Variants in PARD3 observed in about 807,000 individuals in gnomAD.
PARD3 encodes partitioning defective 3 homolog.
In PARD3, 75 loss-of-function variants were observed where a neutral mutation model predicts 155.4. That is an observed-to-expected ratio of 0.48 (90% CI 0.40 to 0.58). PARD3 has a LOEUF of 0.58. PARD3 is among the 20% of genes least tolerant of loss of function. The probability of loss-of-function intolerance (pLI) is 0.00; values close to 1 mark genes in which losing one functional copy is unlikely to be tolerated. For missense variants in PARD3, 1,642 were observed against 1,721.7 expected (o/e 0.95, Z 0.82); for synonymous variants, 576 against 610.5 (o/e 0.94, Z 0.83).
chr10:34,276,035 T>G (rs760954262), intron 21 of PARD3, among the ~76,000 whole-genome samples: 2 of 152,166 alleles, frequency 1.3e-5, no homozygotes, highest in Non-Finnish European at 2.9e-5. Context: ...AAGTCCTTCC[T>G]GGTTCTAAAA....
intron 2 of PARD3, among the ~76,000 whole-genome samples, chr10:34,603,174 A>G (rs571302543): frequency 6.6e-6 from 1 of 152,176 alleles, no homozygotes; most frequent in African/African-American, 2.4e-5. Flanking sequence ...TTAGAAAATT[A>G]CCCCTGGCTG....
At chr10:34,562,667 A>G (rs1310878385) in intron 2 of PARD3, among the ~76,000 whole-genome samples, 1 of 152,192 alleles carries the variant, frequency 6.6e-6, no homozygotes, top group Non-Finnish European at 1.5e-5. Flanking sequence ...AGCAAAACAT[A>G]GTGTCAACCA....
At chr10:34,513,860 T>C (rs1239054619) in intron 3 of PARD3, among the ~76,000 whole-genome samples, 6 of 152,222 alleles carry the variant, frequency 3.9e-5, no homozygotes, top group Non-Finnish European at 7.3e-5. Flanking sequence ...CCTTGACCTC[T>C]ACTCAATGCC....
chr10:34,467,444 G>A (rs2078080274), intron 4 of PARD3, among the ~76,000 whole-genome samples: 1 of 151,816 alleles, frequency 6.6e-6, no homozygotes, highest in African/African-American at 2.4e-5. Context: ...TACAATGATA[G>A]TAGCATGTCA....
chr10:34,542,657 A>AATT (rs2083730611), intron 2 of PARD3, among the ~76,000 whole-genome samples: 1 of 152,246 alleles, frequency 6.6e-6, no homozygotes, highest in Non-Finnish European at 1.5e-5. Flanking sequence ...AAGTAAGTGT[A>AATT]ACAGTAGCCT....
intron 2 of PARD3, among the ~76,000 whole-genome samples, chr10:34,628,886 C>T (rs1469934377): frequency 6.6e-6 from 1 of 152,178 alleles, no homozygotes; most frequent in East Asian, 1.9e-4. Context: ...GAGTGGTTCA[C>T]GACACCAGCC....
intron 21 of PARD3, among the ~76,000 whole-genome samples, chr10:34,273,992 C>T (rs767710232): frequency 1.3e-5 from 2 of 152,162 alleles, no homozygotes; most frequent in Non-Finnish European, 2.9e-5. Flanking sequence ...CAGAACTGGT[C>T]ACAGCCACAT....
intron 2 of PARD3, among the ~76,000 whole-genome samples, chr10:34,626,397 C>G (rs1218680204): frequency 6.6e-6 from 1 of 152,100 alleles, no homozygotes; most frequent in Non-Finnish European, 1.5e-5. Context: ...CTCTCTCTCT[C>G]TTTCTTTCTT....
At chr10:34,131,911 A>G (rs1178494982) in intron 22 of PARD3, among the ~76,000 whole-genome samples, 1 of 152,174 alleles carries the variant, frequency 6.6e-6, no homozygotes, top group Non-Finnish European at 1.5e-5. Flanking sequence ...CATTGCATTA[A>G]AAGTCAGAAA....
chr10:34,228,713 G>C (rs1952754948), intron 22 of PARD3, among the ~76,000 whole-genome samples: 1 of 151,998 alleles, frequency 6.6e-6, no homozygotes, highest in South Asian at 2.1e-4. Context: ...GGAAGATATG[G>C]GATTTTAAGC....
At chr10:34,720,448 CAAAAAAAAA>C (rs10603866) in intron 1 of PARD3, among the ~76,000 whole-genome samples, 957 of 56,904 alleles carry the variant, frequency 0.017, 15 homozygotes, top group African/African-American at 0.06. Flanking sequence ...AAGGCTCTGT[CAAAAAAAAA>C]AAAAAAAAAA....
intron 2 of PARD3, among the ~76,000 whole-genome samples, chr10:34,618,217 T>C (rs1297380402): frequency 2.6e-5 from 4 of 152,150 alleles, no homozygotes; most frequent in African/African-American, 2.4e-5. Flanking sequence ...CGATTTTCCA[T>C]TAACAATGAC....
At chr10:34,441,213 A>G (rs1255793618) in intron 5 of PARD3, among the ~76,000 whole-genome samples, 1 of 152,168 alleles carries the variant, frequency 6.6e-6, no homozygotes, top group Non-Finnish European at 1.5e-5. Context: ...GAGATACCCA[A>G]TACTTGAGGG....
chr10:34,591,696 A>G (rs1418627163), intron 2 of PARD3, among the ~76,000 whole-genome samples: 1 of 152,180 alleles, frequency 6.6e-6, no homozygotes, highest in Non-Finnish European at 1.5e-5. Context: ...CAAGGCCTTA[A>G]TCCAGAAATG....
intron 22 of PARD3, among the ~76,000 whole-genome samples, chr10:34,226,468 T>A (rs1952607677): frequency 6.6e-6 from 1 of 152,196 alleles, no homozygotes; most frequent in South Asian, 2.1e-4. Flanking sequence ...GAGAACTGCT[T>A]GAATCCAGGG....
At chr10:34,279,337 A>AAC (rs2133907599) in intron 21 of PARD3, among the ~76,000 whole-genome samples, 1 of 152,066 alleles carries the variant, frequency 6.6e-6, no homozygotes, top group East Asian at 1.9e-4. Flanking sequence ...TTATCGAAAT[A>AAC]GTTAAGTTCT....
At chr10:34,578,838 T>C (rs2087126232) in intron 2 of PARD3, among the ~76,000 whole-genome samples, 1 of 152,364 alleles carries the variant, frequency 6.6e-6, no homozygotes. Flanking sequence ...TAGACTTTTA[T>C]GTGGCTGAAA....
chr10:34,425,889 T>C (rs2075576285), intron 5 of PARD3, among the ~76,000 whole-genome samples: 1 of 152,218 alleles, frequency 6.6e-6, no homozygotes. Flanking sequence ...ACTGTCAAAG[T>C]CACTGAAACG....
chr10:34,424,851 A>G (rs2075512192), intron 5 of PARD3, among the ~76,000 whole-genome samples: 1 of 152,134 alleles, frequency 6.6e-6, no homozygotes, highest in Non-Finnish European at 1.5e-5. Context: ...CTATTACATG[A>G]GCAATGGCTC....
Sources: allele counts gnomAD v4.1 joint callset (sites outside exome capture counted in the v4.1 genomes callset), GRCh38; gene constraint gnomAD v4.1.1; transcripts MANE v1.5; gene names NCBI Gene and HGNC (gene_info 2026-07-23, HGNC 2026-07-21).